MEGF9: variants seen among roughly 807,000 people sequenced by gnomAD.
MEGF9 encodes multiple EGF like domains 9.
MEGF9 carries 6 observed loss-of-function variants against 46.8 expected under a neutral mutation model. That is an observed-to-expected ratio of 0.13 (90% confidence interval 0.07 to 0.25). The LOEUF is 0.25. Ranked by LOEUF, MEGF9 falls within the 10% of genes least tolerant of loss-of-function variation. MEGF9 has a pLI of 1.00. For missense variants in MEGF9, 683 were observed against 792.4 expected (o/e 0.86, Z 1.66); for synonymous variants, 302 against 330.7 (o/e 0.91, Z 0.94).
At chr9:120,608,508 A>C (rs1289934196) in intron 4 of MEGF9, among the ~76,000 whole-genome samples, 1 of 152,104 alleles carries the variant, frequency 6.6e-6, no homozygotes, top group Admixed American at 6.6e-5. Context: ...TACTCTGCAG[A>C]CTTCTATTCT....
chr9:120,713,382 G>A (rs2043961645), intron 1 of MEGF9, among the ~76,000 whole-genome samples: 1 of 152,160 alleles, frequency 6.6e-6, no homozygotes, highest in African/African-American at 2.4e-5. Flanking sequence ...CCCAGTGGTT[G>A]AAGGAGGTAC....
At position 120,714,389 on chromosome 9, in the gene MEGF9, TCTC is replaced by T. The variant is rs2043969506; in HGVS notation, c.-34_-32del. On this transcript the variant is annotated 5_prime_UTR_variant, in exon 1 of 6. Coordinates refer to ENST00000373930, the MANE Select transcript of MEGF9 (RefSeq NM_001080497.3). ...CAGCCAGTCGGTTGGTCAGTCATCTTCTCCTCGTTGCAATCCGACCAAGGAAGC... is the reference window on the plus strand; with the variant it reads ...CAGCCAGTCGGTTGGTCAGTCATCTTCTCGTTGCAATCCGACCAAGGAAGC... 11 of 1,279,658 alleles carry T rather than the reference TCTC, an allele frequency of 8.6e-6. No homozygotes were observed. Among genetic ancestry groups the T allele is most frequent in the South Asian group, 4.7e-5 (2 of 42,814 alleles). 79.3% of individuals were successfully genotyped at this position (1,279,658 alleles called of 1,614,324 possible).
chr9:120,672,749 C>T (rs1587991278), intron 1 of MEGF9, among the ~76,000 whole-genome samples: 1 of 152,160 alleles, frequency 6.6e-6, no homozygotes, highest in South Asian at 2.1e-4. Flanking sequence ...AAGGGCTGGG[C>T]CCAGTGGCTC....
intron 1 of MEGF9, 126 bp from the exon 2 acceptor site, chr9:120,659,701 T>C (rs890342425): frequency 5.0e-6 from 4 of 797,864 alleles, no homozygotes; most frequent in Non-Finnish European, 7.7e-6. Flanking sequence ...TAAAATTAAC[T>C]CTAGTTCAAA....
chr9:120,625,071 C>A (rs554211024), intron 2 of MEGF9, among the ~76,000 whole-genome samples: 2 of 152,104 alleles, frequency 1.3e-5, no homozygotes, highest in South Asian at 4.1e-4. Flanking sequence ...CCCAGGAGTT[C>A]TAGGCTGCCT....
At chr9:120,702,846 A>G (rs754250897) in intron 1 of MEGF9, among the ~76,000 whole-genome samples, 11 of 152,214 alleles carry the variant, frequency 7.2e-5, no homozygotes, top group Admixed American at 6.5e-4. Context: ...TGGGTCCCCA[A>G]ATAATACTGT....
intron 4 of MEGF9, among the ~76,000 whole-genome samples, chr9:120,609,941 G>GTGC (rs1409779658): frequency 1.3e-5 from 2 of 151,980 alleles, no homozygotes; most frequent in South Asian, 2.1e-4. Flanking sequence ...TTTATATACC[G>GTGC]TAACATTCAA....
At chr9:120,622,517 C>T in intron 3 of MEGF9, 99 bp downstream of exon 3, 1 of 1,304,722 alleles carries the variant, frequency 7.7e-7, no homozygotes, top group Non-Finnish European at 1.0e-6. Flanking sequence ...GATAAAGGCC[C>T]TTCCAAACTA....
intron 1 of MEGF9, among the ~76,000 whole-genome samples, chr9:120,690,972 A>G (rs1237118259): frequency 6.6e-6 from 1 of 152,210 alleles, no homozygotes; most frequent in East Asian, 1.9e-4. Flanking sequence ...GCATGGTTCC[A>G]ATGACACATT....
chr9:120,624,690 A>G (rs1241159797), intron 2 of MEGF9, among the ~76,000 whole-genome samples: 1 of 152,070 alleles, frequency 6.6e-6, no homozygotes, highest in Non-Finnish European at 1.5e-5. Context: ...CCTGGCCAAC[A>G]TGGTGAAACC....
intron 1 of MEGF9, among the ~76,000 whole-genome samples, chr9:120,694,692 T>C (rs537036963): frequency 1.3e-5 from 2 of 152,292 alleles, no homozygotes; most frequent in Admixed American, 6.5e-5. Context: ...AAAGAAAGTT[T>C]CATGTTTAGC....
intron 2 of MEGF9, among the ~76,000 whole-genome samples, chr9:120,658,888 T>C (rs1394173545): frequency 2.6e-5 from 4 of 152,322 alleles, no homozygotes; most frequent in Admixed American, 2.6e-4. Context: ...GTAAAACCAG[T>C]CTACTTACCA....
In MEGF9 at chr9:120,664,229, A is replaced by G. The variant is rs1184157956; in HGVS notation, c.602-4654T>C. Among the ~76,000 whole-genome samples, 6 of 152,056 alleles carry G rather than the reference A, an allele frequency of 3.9e-5. No homozygotes were observed. The South Asian group carries it at 1.2e-3, about 32-fold the overall frequency. ...ACCTGGTAGGCTCTCTCTTCATTCAATTTTTAACCATCTATCTCATAGAGA... is the reference window on the plus strand; with the variant it reads ...ACCTGGTAGGCTCTCTCTTCATTCAGTTTTTAACCATCTATCTCATAGAGA... On this transcript the variant is annotated intron_variant, in intron 1 of 5. Coordinates refer to ENST00000373930, the MANE Select transcript of MEGF9 (RefSeq NM_001080497.3).
At chr9:120,677,621 T>C (rs1222775075) in intron 1 of MEGF9, among the ~76,000 whole-genome samples, 3 of 152,212 alleles carry the variant, frequency 2.0e-5, no homozygotes, top group Non-Finnish European at 4.4e-5. Flanking sequence ...TGAGTTAGTA[T>C]TTGTCATCCA....
intron 1 of MEGF9, among the ~76,000 whole-genome samples, chr9:120,687,242 C>T (rs1044764859): frequency 6.6e-6 from 1 of 152,148 alleles, no homozygotes; most frequent in African/African-American, 2.4e-5. Context: ...TGCCTTGCAA[C>T]TCCAAATATG....
intron 1 of MEGF9, among the ~76,000 whole-genome samples, chr9:120,663,675 A>G (rs2043712580): frequency 6.6e-6 from 1 of 152,222 alleles, no homozygotes; most frequent in African/African-American, 2.4e-5. Flanking sequence ...GGACACCTAA[A>G]GCTAATTGCA....
At chr9:120,690,175 G>A (rs1434165383) in intron 1 of MEGF9, among the ~76,000 whole-genome samples, 1 of 152,140 alleles carries the variant, frequency 6.6e-6, no homozygotes, top group African/African-American at 2.4e-5. Context: ...TATTACTTCT[G>A]CTGCTGAGGG....
intron 2 of MEGF9, 64 bp from the exon 3 acceptor site, chr9:120,622,819 C>G: frequency 6.5e-7 from 1 of 1,544,466 alleles, no homozygotes; most frequent in Non-Finnish European, 8.8e-7. Flanking sequence ...TTGAGTAACA[C>G]CCCAGAAGGG....
chr9:120,712,093 C>T (rs760433343), intron 1 of MEGF9, among the ~76,000 whole-genome samples: 4 of 151,950 alleles, frequency 2.6e-5, no homozygotes, highest in Non-Finnish European at 4.4e-5. Flanking sequence ...CTCATCTCTA[C>T]AAAAAATACA....
Sources: gnomAD v4.1 joint callset for allele counts (sites outside exome capture counted in the v4.1 genomes callset) on GRCh38, gnomAD v4.1.1 for gene constraint, MANE v1.5 for transcripts, NCBI Gene and HGNC (gene_info 2026-07-23, HGNC 2026-07-21) for gene names.